The following SDK1 variants were observed in gnomAD, a reference collection of about 807,000 sequenced individuals.
The protein encoded by SDK1 is sidekick cell adhesion molecule 1.
In SDK1, 157 loss-of-function variants were observed where a neutral mutation model predicts 245.5. The ratio of observed to expected loss-of-function variants is 0.64; its 90% CI spans 0.56 to 0.73. The LOEUF is 0.73. Ranked by LOEUF, SDK1 falls within the 30% of genes least tolerant of loss-of-function variation. The pLI is 0.00. For synonymous variants in SDK1, 1,647 were observed against 1,278.5 expected, an observed-to-expected ratio of 1.29 and a Z score of -6.15; for missense variants, 3,583 against 3,002.3, an observed-to-expected ratio of 1.19 and a Z score of -4.52.
intron 20 of SDK1, among the ~76,000 whole-genome samples, chr7:4,070,469 T>C (rs1340769820): frequency 6.6e-6 from 1 of 152,184 alleles, no homozygotes; most frequent in Non-Finnish European, 1.5e-5. Context: ...TGTGCATCCC[T>C]GCAGTGCTCC....
chr7:3,660,975 T>G (rs1783336006), intron 4 of SDK1, among the ~76,000 whole-genome samples: 1 of 152,224 alleles, frequency 6.6e-6, no homozygotes, highest in Admixed American at 6.5e-5. Context: ...GAAGCAATTT[T>G]GAGAATTACC....
At chr7:3,786,657 T>A (rs574149809) in intron 4 of SDK1, among the ~76,000 whole-genome samples, 1 of 152,236 alleles carries the variant, frequency 6.6e-6, no homozygotes, top group Admixed American at 6.5e-5. Context: ...TTAATACCGA[T>A]GAATTTTTAT....
chr7:3,849,590 G>C (rs1674447754), intron 5 of SDK1, among the ~76,000 whole-genome samples: 1 of 152,184 alleles, frequency 6.6e-6, no homozygotes, highest in Non-Finnish European at 1.5e-5. Context: ...GAAATACCAT[G>C]AATTTGGAAG....
intron 1 of SDK1, among the ~76,000 whole-genome samples, chr7:3,472,965 T>C (rs1223662240): frequency 6.6e-6 from 1 of 152,182 alleles, no homozygotes; most frequent in Non-Finnish European, 1.5e-5. Flanking sequence ...AGACCAGTGG[T>C]CTGCTATTTG....
intron 1 of SDK1, among the ~76,000 whole-genome samples, chr7:3,397,687 T>C (rs1778756792): frequency 6.6e-6 from 1 of 152,086 alleles, no homozygotes; most frequent in South Asian, 2.1e-4. Flanking sequence ...TTGAACTTCT[T>C]GGATATGTAA....
chr7:3,777,695 C>T (rs951594017), intron 4 of SDK1, among the ~76,000 whole-genome samples: 1 of 152,182 alleles, frequency 6.6e-6, no homozygotes, highest in Non-Finnish European at 1.5e-5. Flanking sequence ...CTTAAAACTT[C>T]CCATGCCACA....
In SDK1 at chr7:3,614,985, A is replaced by C. The variant is rs905758054; in HGVS notation, c.299-4095A>C. ...TACATGGTATAGGCATGTTTGTTTAACTATAAAGTCCATGAAAAATTGAGT... is the reference window on the plus strand; with the variant it reads ...TACATGGTATAGGCATGTTTGTTTACCTATAAAGTCCATGAAAAATTGAGT... On this transcript the variant is annotated intron_variant, in intron 1 of 44. Transcript: ENST00000404826. Among the ~76,000 whole-genome samples, 6 of 151,562 alleles carry C rather than the reference A, an allele frequency of 4.0e-5. 1 individual carries two copies. Among genetic ancestry groups the C allele is most frequent in the African/African-American group, 1.4e-4 (6 of 41,392 alleles).
chr7:3,549,430 C>G (rs949511660), intron 1 of SDK1, among the ~76,000 whole-genome samples: 2 of 152,108 alleles, frequency 1.3e-5, no homozygotes, highest in Admixed American at 6.5e-5. Context: ...GCTATCTTAA[C>G]TTAAAAATTT....
intron 25 of SDK1, among the ~76,000 whole-genome samples, chr7:4,117,428 A>G (rs35769263): frequency 6.6e-6 from 1 of 152,218 alleles, no homozygotes; most frequent in East Asian, 1.9e-4. Context: ...TGATCGCACC[A>G]CTGCATTCCA....
At chr7:3,830,633 C>G (rs927471262) in intron 5 of SDK1, among the ~76,000 whole-genome samples, 1 of 152,084 alleles carries the variant, frequency 6.6e-6, no homozygotes, top group Non-Finnish European at 1.5e-5. Context: ...TTAGCTGGGA[C>G]TGCAGGTGTA....
intron 4 of SDK1, among the ~76,000 whole-genome samples, chr7:3,648,315 T>A (rs965447466): frequency 6.6e-6 from 1 of 152,226 alleles, no homozygotes; most frequent in Non-Finnish European, 1.5e-5. Context: ...TTCTTGTGCT[T>A]AATTGCAGGT....
At chr7:4,173,526 C>T (rs1364519603) in intron 32 of SDK1, among the ~76,000 whole-genome samples, 1 of 152,224 alleles carries the variant, frequency 6.6e-6, no homozygotes, top group Non-Finnish European at 1.5e-5. Flanking sequence ...TCCTTATCTG[C>T]CTGTGCTCCC....
At chr7:3,522,838 G>A (rs1180580138) in intron 1 of SDK1, among the ~76,000 whole-genome samples, 1 of 152,074 alleles carries the variant, frequency 6.6e-6, no homozygotes, top group Non-Finnish European at 1.5e-5. Context: ...TGGGGGGTGA[G>A]GTTCGCTATT....
chr7:3,382,411 A>T (rs1200224849), intron 1 of SDK1, among the ~76,000 whole-genome samples: 2 of 152,172 alleles, frequency 1.3e-5, no homozygotes, highest in Non-Finnish European at 2.9e-5. Flanking sequence ...TGTTCTGTGG[A>T]TTGAGCCATA....
At chr7:3,442,762 T>G (rs1167961509) in intron 1 of SDK1, among the ~76,000 whole-genome samples, 2 of 152,226 alleles carry the variant, frequency 1.3e-5, no homozygotes, top group African/African-American at 4.8e-5. Context: ...TTTTCCTTTT[T>G]CCTTTTGTGT....
chr7:4,012,696 C>T (rs1012030028), intron 16 of SDK1, among the ~76,000 whole-genome samples: 3 of 151,016 alleles, frequency 2.0e-5, no homozygotes, highest in Non-Finnish European at 4.4e-5. Flanking sequence ...GCCTCAGCCT[C>T]CCGAGTAGCT....
intron 17 of SDK1, among the ~76,000 whole-genome samples, chr7:4,019,883 C>T (rs1786737709): frequency 6.6e-6 from 1 of 152,158 alleles, no homozygotes; most frequent in African/African-American, 2.4e-5. Context: ...CCCTTTTAAG[C>T]CTGGTGTGGA....
At chr7:3,528,888 C>T (rs189562130) in intron 1 of SDK1, among the ~76,000 whole-genome samples, 56 of 152,230 alleles carry the variant, frequency 3.7e-4, no homozygotes, top group Non-Finnish European at 4.4e-5. Context: ...TCTTCCTGAT[C>T]TCCTTCTCTC....
chr7:3,637,608 C>T (rs1297714263), intron 2 of SDK1, among the ~76,000 whole-genome samples: 1 of 152,172 alleles, frequency 6.6e-6, no homozygotes, highest in African/African-American at 2.4e-5. Context: ...ATTTACAAAA[C>T]CAGCAGTAAA....
Sources: allele counts gnomAD v4.1 joint callset (sites outside exome capture counted in the v4.1 genomes callset), GRCh38; gene constraint gnomAD v4.1.1; transcripts MANE v1.5; gene names NCBI Gene and HGNC (gene_info 2026-07-23, HGNC 2026-07-21).